MACROD2: variants seen among roughly 807,000 people sequenced by gnomAD.
MACROD2 encodes mono-ADP ribosylhydrolase 2.
In MACROD2, 36 loss-of-function variants were observed where a neutral mutation model predicts 70.4. The observed-to-expected ratio is 0.51, with a 90% CI of 0.39 to 0.68. The LOEUF is 0.68. Among genes scored for constraint, MACROD2 ranks in the 30% least tolerant of loss-of-function variants. The probability of loss-of-function intolerance (pLI) is 0.00; values close to 1 mark genes in which losing one functional copy is unlikely to be tolerated. For missense variants in MACROD2, 496 were observed against 538.4 expected (o/e 0.92, Z 0.78); for synonymous variants, 172 against 178.8 (o/e 0.96, Z 0.30).
intron 4 of MACROD2, among the ~76,000 whole-genome samples, chr20:14,619,444 A>AAGGGAAAGGAGGGGGGG (rs1568702396): frequency 2.3e-4 from 1 of 4,332 alleles, no homozygotes. Flanking sequence ...GGAGGGAGGG[A>AAGGGAAAGGAGGGGGGG]GGAAGGGAAG....
intron 2 of MACROD2, among the ~76,000 whole-genome samples, chr20:14,042,227 T>C (rs2053400496): frequency 6.6e-6 from 1 of 152,302 alleles, no homozygotes; most frequent in South Asian, 2.1e-4. Flanking sequence ...GAGTACTAAG[T>C]TGATTCCACA....
At chr20:15,747,267 G>C (rs1193800139) in intron 8 of MACROD2, among the ~76,000 whole-genome samples, 1 of 152,124 alleles carries the variant, frequency 6.6e-6, no homozygotes, top group Non-Finnish European at 1.5e-5. Context: ...AACATGGCCA[G>C]CTGATGGCAC....
intron 5 of MACROD2, among the ~76,000 whole-genome samples, chr20:14,798,422 T>C (rs1568801920): frequency 1.3e-5 from 2 of 152,116 alleles, no homozygotes; most frequent in African/African-American, 4.8e-5. Flanking sequence ...TCATTGCTTT[T>C]CTATTTGTAG....
intron 4 of MACROD2, among the ~76,000 whole-genome samples, chr20:14,616,698 G>T (rs1423094237): frequency 6.6e-6 from 1 of 151,994 alleles, no homozygotes; most frequent in African/African-American, 2.4e-5. Context: ...ACTTAATATT[G>T]TTTTAATTTC....
intron 3 of MACROD2, among the ~76,000 whole-genome samples, chr20:14,490,582 C>G (rs762651419): frequency 2.4e-4 from 37 of 152,104 alleles, no homozygotes; most frequent in Non-Finnish European, 4.7e-4. Context: ...CATAAGCATG[C>G]TCAGAGAAGA....
At chr20:15,972,322 G>A (rs914099501) in intron 13 of MACROD2, among the ~76,000 whole-genome samples, 13 of 152,138 alleles carry the variant, frequency 8.5e-5, no homozygotes, top group Non-Finnish European at 1.0e-4. Flanking sequence ...TGAAGTAAAA[G>A]TGATTAAAAT....
At chr20:14,755,094 A>G (rs1245086035) in intron 5 of MACROD2, among the ~76,000 whole-genome samples, 1 of 152,096 alleles carries the variant, frequency 6.6e-6, no homozygotes, top group Non-Finnish European at 1.5e-5. Flanking sequence ...CTAGTTCAGA[A>G]TCTTCCAATC....
intron 5 of MACROD2, among the ~76,000 whole-genome samples, chr20:15,145,217 C>T (rs2076221714): frequency 6.6e-6 from 1 of 152,082 alleles, no homozygotes; most frequent in Non-Finnish European, 1.5e-5. Flanking sequence ...CGCTATGCTT[C>T]CTCATACTGA....
At chr20:14,890,018 T>C (rs1412138476) in intron 5 of MACROD2, among the ~76,000 whole-genome samples, 1 of 152,136 alleles carries the variant, frequency 6.6e-6, no homozygotes, top group African/African-American at 2.4e-5. Flanking sequence ...ACTTTGTATA[T>C]ATTTTGAAGA....
intron 8 of MACROD2, among the ~76,000 whole-genome samples, chr20:15,520,616 T>A (rs761398467): frequency 6.6e-6 from 1 of 152,186 alleles, no homozygotes; most frequent in East Asian, 1.9e-4. Flanking sequence ...CAATTAATCC[T>A]GTGGAAAGCT....
intron 8 of MACROD2, among the ~76,000 whole-genome samples, chr20:15,687,292 AT>A (rs2050240102): frequency 6.6e-6 from 1 of 150,658 alleles, no homozygotes; most frequent in South Asian, 2.1e-4. Flanking sequence ...AATTGTATAT[AT>A]ATATATTTTA....
intron 5 of MACROD2, among the ~76,000 whole-genome samples, chr20:15,084,077 T>TTTTTGTTTTGTTTTG (rs1555780901): frequency 4.6e-4 from 67 of 145,790 alleles, no homozygotes; most frequent in African/African-American, 1.6e-3. Context: ...TTTTTGTTTT[T>TTTTTGTTTTGTTTTG]TTTTTTTAAT....
chr20:14,713,558 G>A (rs902567890), intron 5 of MACROD2, among the ~76,000 whole-genome samples: 6 of 152,060 alleles, frequency 3.9e-5, no homozygotes, highest in South Asian at 2.1e-4. Context: ...GGAGTCCTCC[G>A]AAACCCTTTC....
At chr20:15,554,889 T>A (rs2048145635) in intron 8 of MACROD2, among the ~76,000 whole-genome samples, 1 of 152,254 alleles carries the variant, frequency 6.6e-6, no homozygotes, top group East Asian at 1.9e-4. Flanking sequence ...TGCATACTAA[T>A]CTTCTGAACC....
At chr20:14,549,848 G>A (rs1166230608) in intron 4 of MACROD2, among the ~76,000 whole-genome samples, 1 of 151,756 alleles carries the variant, frequency 6.6e-6, no homozygotes, top group Non-Finnish European at 1.5e-5. Flanking sequence ...TGTTAGTAAT[G>A]CATAGTATTA....
At chr20:14,431,008 G>C (rs1390896477) in intron 3 of MACROD2, among the ~76,000 whole-genome samples, 1 of 152,098 alleles carries the variant, frequency 6.6e-6, no homozygotes. Flanking sequence ...ATTTGTTTAA[G>C]AGAGAAATAA....
At chr20:14,143,895 C>T (rs6079316) in intron 3 of MACROD2, among the ~76,000 whole-genome samples, 110,614 of 152,070 alleles carry the variant, frequency 0.73, 40,563 homozygotes, top group East Asian at 0.81. Flanking sequence ...AGATGAAAGA[C>T]TGGACAAAGT....
chr20:14,500,812 CA>C (rs2084907539), intron 4 of MACROD2, among the ~76,000 whole-genome samples: 1 of 152,176 alleles, frequency 6.6e-6, no homozygotes, highest in Non-Finnish European at 1.5e-5. Context: ...TCATTGTAGC[CA>C]TACCTGAACC....
chr20:14,973,385 G>A (rs1045208309), intron 5 of MACROD2, among the ~76,000 whole-genome samples: 1 of 151,772 alleles, frequency 6.6e-6, no homozygotes, highest in African/African-American at 2.4e-5. Context: ...TCCACACCTG[G>A]CTAATTTTTG....
Sources: gnomAD v4.1 joint callset for allele counts (sites outside exome capture counted in the v4.1 genomes callset) on GRCh38, gnomAD v4.1.1 for gene constraint, MANE v1.5 for transcripts, NCBI Gene and HGNC (gene_info 2026-07-23, HGNC 2026-07-21) for gene names.